The following EFCAB5 variants were observed in gnomAD, a reference collection of about 807,000 sequenced individuals.
The protein encoded by EFCAB5 is EF-hand calcium binding domain 5, also known as EF-hand calcium-binding domain-containing protein 5.
A neutral mutation model predicts 167.9 loss-of-function variants in EFCAB5; 131 were observed. The observed-to-expected ratio is 0.78, with a 90% CI of 0.68 to 0.90. The LOEUF (loss-of-function observed/expected upper bound fraction) is 0.90, where lower values mean the gene tolerates loss of function less well. Among genes scored for constraint, EFCAB5 ranks in the 40% least tolerant of loss-of-function variants. EFCAB5 has a pLI of 0.00. For synonymous variants in EFCAB5, 574 were observed against 602.8 expected (o/e 0.95, Z 0.70); for missense variants, 1,663 against 1,745.2 (o/e 0.95, Z 0.84).
chr17:30,045,801 A>T (rs1045823658), intron 8 of EFCAB5, among the ~76,000 whole-genome samples: 1 of 151,912 alleles, frequency 6.6e-6, no homozygotes, highest in Non-Finnish European at 1.5e-5. Flanking sequence ...GGAGTTCAAG[A>T]CCTGCCTGGG....
At chr17:29,978,211 A>G (rs2068100254) in intron 4 of EFCAB5, among the ~76,000 whole-genome samples, 1 of 152,204 alleles carries the variant, frequency 6.6e-6, no homozygotes, top group African/African-American at 2.4e-5. Flanking sequence ...AGGTGATATT[A>G]GTAATATTAA....
At position 30,087,224 on chromosome 17, in the gene EFCAB5, A is replaced by G. The variant is rs1057049357; in HGVS notation, c.3683+58A>G. 1.6e-5 allele frequency: 22 copies of G among 1,374,266 alleles called. No individual in the cohort carries two copies. In the African/African-American group the frequency reaches 3.0e-4, roughly 19 times the overall value. The allele number at this position is 1,374,266 out of a possible 1,614,324, so 85.1% of individuals were successfully genotyped here. On this transcript the variant is annotated intron_variant, in intron 19 of 22. Transcript: ENST00000394835. ...GAACACATCCTTCTGGTACAATAGT[A>G]GACCTGAAAGACACAGCTTCTGACT...
chr17:29,939,198 G>A (rs142768540), upstream of EFCAB5, among the ~76,000 whole-genome samples: 1,211 of 152,258 alleles, frequency 8.0e-3, 11 homozygotes, highest in African/African-American at 0.024. Context: ...TCAATGAACA[G>A]TAATATTTTG....
In EFCAB5 at chr17:30,085,221, G is replaced by A. The variant is rs369218367; in HGVS notation, c.3580-1842G>A. Among the ~76,000 whole-genome samples the A allele has an allele frequency of 3.5e-4, 54 of 152,192 alleles. No individual in the cohort carries two copies. The East Asian group carries it at 5.8e-3, about 16-fold the overall frequency. On this transcript the variant is annotated intron_variant, in intron 18 of 22. Coordinates refer to ENST00000394835, the MANE Select transcript of EFCAB5 (RefSeq NM_198529.4). ...TGTTCCTGTAAGGTACAGAGTCATAGAGGAAAAAAATTACTGCTCTGTTAA... is the reference window on the plus strand; with the variant it reads ...TGTTCCTGTAAGGTACAGAGTCATAAAGGAAAAAAATTACTGCTCTGTTAA...
intron 5 of EFCAB5, 84 bp from the exon 6 acceptor site, chr17:29,996,228 T>A (rs1342868885): frequency 8.9e-7 from 1 of 1,126,904 alleles, no homozygotes; most frequent in Non-Finnish European, 1.3e-6. Flanking sequence ...AGACTATAGA[T>A]GGCTTTTAGT....
At chr17:29,999,161 C>A (rs1422682803) in intron 6 of EFCAB5, among the ~76,000 whole-genome samples, 2 of 152,054 alleles carry the variant, frequency 1.3e-5, no homozygotes, top group African/African-American at 4.8e-5. Context: ...TCCATGACTG[C>A]AGCTGATGAC....
At chr17:30,020,450 C>T (rs921371732) in intron 7 of EFCAB5, among the ~76,000 whole-genome samples, 11 of 151,212 alleles carry the variant, frequency 7.3e-5, no homozygotes, top group South Asian at 2.1e-4. Context: ...CTGCAACCTC[C>T]GCCTTCCAGG....
intron 14 of EFCAB5, among the ~76,000 whole-genome samples, chr17:30,060,171 T>C (rs922541187): frequency 6.6e-6 from 1 of 151,976 alleles, no homozygotes; most frequent in African/African-American, 2.4e-5. Context: ...GTAACTAACC[T>C]GCACAATGTG....
chr17:29,930,282 G>T (rs1425641067), intron 1 of EFCAB5: 2 of 484,778 alleles, frequency 4.1e-6, no homozygotes, highest in Non-Finnish European at 7.3e-6. Context: ...TCCCCTCGGC[G>T]CGCGCCGCCG....
intron 5 of EFCAB5, among the ~76,000 whole-genome samples, chr17:29,994,733 G>A (rs2151640491): frequency 6.6e-6 from 1 of 152,224 alleles, no homozygotes; most frequent in East Asian, 1.9e-4. Flanking sequence ...CAACATGGTG[G>A]AACCCTGTCT....
In EFCAB5 at chr17:29,969,064, A is replaced by G. The variant is rs763462675; in HGVS notation, c.464A>G (p.Asn155Ser). The G allele has an allele frequency of 4.3e-6, 7 of 1,610,548 alleles. No homozygotes were observed. The East Asian group carries it at 1.3e-4, about 31-fold the overall frequency. The change falls in exon 4 of 23, where the codon AAT (asparagine) becomes AGT (serine). Residue 155 changes from asparagine (N) to serine (S), a missense_variant. Transcript: ENST00000394835. ...KKAEKKLPRD[N>S]LAKEWFNTDS... The stretch of plus-strand genomic sequence containing the variant: ...GCTGAAAAAAAACTCCCTAGGGATA[A>G]TTTGGCCAAAGAGTGGTTTAATACT...
At chr17:30,084,241 G>A (rs1033924225) in intron 18 of EFCAB5, among the ~76,000 whole-genome samples, 2 of 152,162 alleles carry the variant, frequency 1.3e-5, no homozygotes, top group Non-Finnish European at 1.5e-5. Context: ...CTCTTGTGGG[G>A]TGGCCAGGCC....
intron 1 of EFCAB5, among the ~76,000 whole-genome samples, chr17:29,931,802 A>T (rs527732458): frequency 1.0e-3 from 159 of 152,356 alleles, no homozygotes; most frequent in Non-Finnish European, 1.8e-3. Flanking sequence ...CATTCTAGAA[A>T]AAGTAATATT....
At chr17:29,996,381 G>A (rs771645147) in intron 6 of EFCAB5, 21 bp downstream of exon 6, 91 of 1,528,304 alleles carry the variant, frequency 6.0e-5, no homozygotes, top group Non-Finnish European at 8.0e-5. Context: ...CTATTACTCT[G>A]ATATTTTTAT....
chr17:30,071,794 C>T (rs2070743456), intron 14 of EFCAB5, among the ~76,000 whole-genome samples: 1 of 151,992 alleles, frequency 6.6e-6, no homozygotes, highest in Non-Finnish European at 1.5e-5. Context: ...TCTATATATA[C>T]AATGGAATAG....
At chr17:30,076,226 C>T (rs1211975257) in intron 14 of EFCAB5, among the ~76,000 whole-genome samples, 1 of 152,164 alleles carries the variant, frequency 6.6e-6, no homozygotes, top group East Asian at 1.9e-4. Context: ...CATTCAAGTC[C>T]AATGGAAATA....
At chr17:30,008,087 GT>G (rs2068812006) in intron 7 of EFCAB5, among the ~76,000 whole-genome samples, 1 of 151,928 alleles carries the variant, frequency 6.6e-6, no homozygotes, top group Admixed American at 6.6e-5. Flanking sequence ...TGATTGATGG[GT>G]TTTGCTGATT....
chr17:30,051,703 G>A (rs1384643271), intron 9 of EFCAB5, among the ~76,000 whole-genome samples: 1 of 152,048 alleles, frequency 6.6e-6, no homozygotes, highest in African/African-American at 2.4e-5. Flanking sequence ...GACTACAGGT[G>A]TGCACCACCA....
chr17:30,100,703 G>T (rs951592943), intron 22 of EFCAB5, among the ~76,000 whole-genome samples: 70 of 151,952 alleles, frequency 4.6e-4, no homozygotes, highest in Non-Finnish European at 9.3e-4. Flanking sequence ...GGAGGCGGAG[G>T]TTGCAGTGAG....
Sources: allele counts gnomAD v4.1 joint callset (sites outside exome capture counted in the v4.1 genomes callset), GRCh38; gene constraint gnomAD v4.1.1; transcripts MANE v1.5; gene names NCBI Gene and HGNC (gene_info 2026-07-23, HGNC 2026-07-21).